Variants in MRTFB observed in about 807,000 individuals in gnomAD.
The protein encoded by MRTFB is myocardin related transcription factor B, also known as myocardin-related transcription factor B.
A neutral mutation model predicts 104.2 loss-of-function variants in MRTFB; 29 were observed. The observed-to-expected ratio is 0.28, with a 90% confidence interval of 0.21 to 0.38. MRTFB has a LOEUF of 0.38. Ranked by LOEUF, MRTFB falls within the 10% of genes least tolerant of loss-of-function variation. MRTFB has a pLI of 1.00. For missense variants in MRTFB, 1,270 were observed against 1,341.6 expected (o/e 0.95, Z 0.83); for synonymous variants, 535 against 519.5 (o/e 1.03, Z -0.41).
chr16:14,222,798 A>T (rs2041796011), intron 8 of MRTFB, among the ~76,000 whole-genome samples: 1 of 152,162 alleles, frequency 6.6e-6, no homozygotes. Flanking sequence ...AAGTCAAGAA[A>T]CAACAGATGC....
chr16:14,020,061 C>A, the MRTFB span, among the ~76,000 whole-genome samples: 1 of 152,140 alleles, frequency 6.6e-6, no homozygotes, highest in Non-Finnish European at 1.5e-5. Flanking sequence ...GCTTTATGAG[C>A]TTTAAAGTAT....
chr16:14,037,795 G>A, the MRTFB span, among the ~76,000 whole-genome samples: 1 of 152,210 alleles, frequency 6.6e-6, no homozygotes, highest in Non-Finnish European at 1.5e-5. Flanking sequence ...AAGGAGTTCA[G>A]CGGATGTCAG....
intron 9 of MRTFB, among the ~76,000 whole-genome samples, chr16:14,235,157 C>G (rs554863528): frequency 2.0e-5 from 3 of 152,218 alleles, no homozygotes; most frequent in Non-Finnish European, 4.4e-5. Flanking sequence ...AAGGGAGCAT[C>G]TTTCAGATGA....
intron 2 of MRTFB, 72 bp from the exon 3 acceptor site, chr16:14,140,472 C>G (rs560301651): frequency 9.1e-7 from 1 of 1,103,224 alleles, no homozygotes; most frequent in Non-Finnish European, 1.3e-6. Flanking sequence ...CCAGGATTCC[C>G]GTTTTAATAC....
At chr16:14,223,402 C>G (rs960929879) in intron 8 of MRTFB, among the ~76,000 whole-genome samples, 2 of 152,018 alleles carry the variant, frequency 1.3e-5, no homozygotes, top group Non-Finnish European at 1.5e-5. Flanking sequence ...CATATCTGCC[C>G]TACTGGACAA....
chr16:14,068,474 G>A (rs2141735241), upstream of MRTFB, among the ~76,000 whole-genome samples: 1 of 152,290 alleles, frequency 6.6e-6, no homozygotes, highest in Non-Finnish European at 1.5e-5. Flanking sequence ...GAATAGCCTT[G>A]TTGGTCACGA....
At chr16:14,153,134 T>C (rs1039043060) in intron 3 of MRTFB, 1 of 152,236 alleles carries the variant, frequency 6.6e-6, no homozygotes. Context: ...AATAAATTGC[T>C]TAATTGGTCA....
At chr16:14,251,105 G>C (rs556997699) in intron 13 of MRTFB, among the ~76,000 whole-genome samples, 6 of 152,182 alleles carry the variant, frequency 3.9e-5, no homozygotes, top group East Asian at 3.9e-4. Flanking sequence ...GGCCGGGCGC[G>C]GTGGCTCAAG....
At chr16:14,069,300 C>T (rs561112236), upstream of MRTFB, among the ~76,000 whole-genome samples, 7 of 149,098 alleles carry the variant, frequency 4.7e-5, no homozygotes, top group East Asian at 5.9e-4. Context: ...CTCTAGGACT[C>T]GCTCCAGTGG....
At position 14,252,384 on chromosome 16, in the gene MRTFB, C is replaced by T. The variant is rs750156071; in HGVS notation, c.2585C>T (p.Pro862Leu). 6.2e-7 allele frequency: 1 copy of T among 1,613,612 alleles called. No individual in the cohort carries two copies. Among genetic ancestry groups the T allele is most frequent in the South Asian group, 1.1e-5 (1 of 90,986 alleles). ...TPNKPSSPPP[P>L]QQFVVQHSLF... ...ACACAGCCTAGTTCACCCCCGCCACCCCAGCAATTTGTCGTCCAGCACTCT... is the reference window on the plus strand; with the variant it reads ...ACACAGCCTAGTTCACCCCCGCCACTCCAGCAATTTGTCGTCCAGCACTCT... The change falls in exon 15 of 17, where the codon CCC (proline) becomes CTC (leucine). Residue 862 changes from proline to leucine, a missense_variant. Transcript: ENST00000571589.
the MRTFB span, among the ~76,000 whole-genome samples, chr16:14,000,409 T>C: frequency 1.3e-5 from 2 of 152,176 alleles, no homozygotes; most frequent in Non-Finnish European, 2.9e-5. Context: ...ATCCTGCAAA[T>C]CACCTTTCAC....
the MRTFB span, among the ~76,000 whole-genome samples, chr16:14,040,728 G>A: frequency 5.3e-5 from 8 of 152,232 alleles, no homozygotes; most frequent in South Asian, 2.1e-4. Context: ...CTCCCAAAGC[G>A]CTGGGATTAC....
chr16:14,071,136 C>T (rs1259312178), upstream of MRTFB, among the ~76,000 whole-genome samples: 1 of 152,144 alleles, frequency 6.6e-6, no homozygotes, highest in East Asian at 1.9e-4. Context: ...TTTAACCCTT[C>T]CCAGTCACGG....
At chr16:14,061,369 G>A in the MRTFB span, among the ~76,000 whole-genome samples, 1 of 152,158 alleles carries the variant, frequency 6.6e-6, no homozygotes, top group Admixed American at 6.5e-5. Flanking sequence ...AAAGGAAGTG[G>A]AGCCCTGCAT....
chr16:14,065,423 C>A, the MRTFB span, among the ~76,000 whole-genome samples: 2 of 152,124 alleles, frequency 1.3e-5, no homozygotes, highest in African/African-American at 4.8e-5. Flanking sequence ...AGTCTGACTT[C>A]CTCTTTTCCT....
At chr16:14,114,748 T>C (rs967017474) in intron 2 of MRTFB, among the ~76,000 whole-genome samples, 17 of 152,332 alleles carry the variant, frequency 1.1e-4, no homozygotes, top group African/African-American at 3.6e-4. Flanking sequence ...TAGATTCCTT[T>C]CTAGTGCATT....
At chr16:14,070,641 T>C (rs940501247), upstream of MRTFB, among the ~76,000 whole-genome samples, 1 of 152,218 alleles carries the variant, frequency 6.6e-6, no homozygotes, top group African/African-American at 2.4e-5. Context: ...AAACAGATTG[T>C]AGCAAATGAC....
chr16:14,263,810 C>T lies in MRTFB; in HGVS notation c.*2366C>T, dbSNP rs1369676670. 1.3e-5 allele frequency: 2 copies of T among 152,174 alleles called. No homozygotes were observed. The highest frequency in any genetic ancestry group is 4.8e-5 in the African/African-American group (2 of 41,428). 9.4% of individuals were successfully genotyped at this position (152,174 alleles called of 1,614,324 possible). A position where few individuals can be genotyped will look rare whatever the true frequency, so the allele number is the denominator to read the frequency against. On this transcript the variant is annotated 3_prime_UTR_variant, in exon 17 of 17. Coordinates refer to ENST00000571589, the MANE Select transcript of MRTFB (RefSeq NM_001308142.2). ...TCACTTTTAAAAAGACAAGGCATCT[C>T]TACCCATTAACTCTGCAAGCCACTC...
At chr16:14,152,564 G>A (rs2038666443) in intron 3 of MRTFB, 1 of 152,020 alleles carries the variant, frequency 6.6e-6, no homozygotes, top group Non-Finnish European at 1.5e-5. Context: ...TTTTTAAAAA[G>A]AAGAATATAA....
Sources: allele counts gnomAD v4.1 joint callset (sites outside exome capture counted in the v4.1 genomes callset), GRCh38; gene constraint gnomAD v4.1.1; transcripts MANE v1.5; gene names NCBI Gene and HGNC (gene_info 2026-07-23, HGNC 2026-07-21).